The following KCNK9 variants were observed in gnomAD, a reference collection of about 807,000 sequenced individuals.
KCNK9 encodes potassium two pore domain channel subfamily K member 9, also known as potassium channel subfamily K member 9.
Under a neutral mutation model 10.8 loss-of-function variants are expected in KCNK9, and 1 was observed. The ratio of observed to expected loss-of-function variants is 0.09; its 90% CI spans 0.03 to 0.44. The LOEUF (loss-of-function observed/expected upper bound fraction) is 0.44. Among genes scored for constraint, KCNK9 ranks in the 20% least tolerant of loss-of-function variants. The probability of loss-of-function intolerance (pLI) is 0.97; values close to 1 mark genes in which losing one functional copy is unlikely to be tolerated. For missense variants in KCNK9, 303 were observed against 515.0 expected (o/e 0.59, Z 3.98); for synonymous variants, 231 against 222.7 (o/e 1.04, Z -0.33).
chr8:139,657,505 T>C (rs2129692796), intron 1 of KCNK9, among the ~76,000 whole-genome samples: 1 of 152,164 alleles, frequency 6.6e-6, no homozygotes, highest in Middle Eastern at 3.4e-3. Context: ...CTGTGGAGCT[T>C]CTCATCATCC....
intron 1 of KCNK9, among the ~76,000 whole-genome samples, chr8:139,640,934 A>G (rs552099034): frequency 1.3e-5 from 2 of 152,376 alleles, no homozygotes; most frequent in East Asian, 1.9e-4. Context: ...TATTGAATGC[A>G]TCAGTCAGGA....
intron 2 of KCNK9, chr8:139,601,742 C>G (rs964573512): frequency 6.6e-6 from 1 of 152,178 alleles, no homozygotes; most frequent in Admixed American, 6.5e-5. Flanking sequence ...ATAATTAAGA[C>G]CCCCTGCTCC....
At chr8:139,696,692 T>A (rs1817059714) in intron 1 of KCNK9, among the ~76,000 whole-genome samples, 1 of 143,950 alleles carries the variant, frequency 6.9e-6, no homozygotes, top group East Asian at 2.0e-4. Context: ...GATGGGTGGA[T>A]AAATGGATGG....
intron 1 of KCNK9, among the ~76,000 whole-genome samples, chr8:139,643,375 C>T (rs1176790945): frequency 6.6e-6 from 1 of 152,204 alleles, no homozygotes; most frequent in Non-Finnish European, 1.5e-5. Context: ...GGTGGCTCCC[C>T]GGAGGAAATG....
At chr8:139,690,979 T>C (rs536883231) in intron 1 of KCNK9, among the ~76,000 whole-genome samples, 9 of 152,364 alleles carry the variant, frequency 5.9e-5, no homozygotes, top group African/African-American at 2.2e-4. Context: ...TCTGAAATTC[T>C]GTCTTCCACC....
intron 1 of KCNK9, among the ~76,000 whole-genome samples, chr8:139,701,804 C>T (rs923594863): frequency 6.6e-6 from 1 of 152,210 alleles, no homozygotes; most frequent in African/African-American, 2.4e-5. Flanking sequence ...GGGAGTCCTC[C>T]CAGCCCCCAG....
In KCNK9 at chr8:139,619,068, C is replaced by T. The variant is rs760886822; in HGVS notation, c.315G>A (p.Ala105=). 34 of 1,614,116 alleles carry T rather than the reference C, an allele frequency of 2.1e-5. No individual in the cohort carries two copies. In the East Asian group the frequency reaches 3.6e-4, roughly 17 times the overall value. The change falls in exon 2 of 2, where the codon GCG becomes GCA. Residue 105 remains alanine, a synonymous_variant. Coordinates refer to ENST00000520439, the MANE Select transcript of KCNK9 (RefSeq NM_001282534.2). ...CGTAGAACATGCAGAAGGCCTTGCC[C>T]GCATCGGTGCCAGGTGCAGCGTGCC... The part of the protein sequence containing the change: ...GYGHAAPGTD[A]GKAFCMFYAV...
At chr8:139,646,440 A>G (rs1815685332) in intron 1 of KCNK9, among the ~76,000 whole-genome samples, 2 of 152,262 alleles carry the variant, frequency 1.3e-5, no homozygotes, top group Admixed American at 1.3e-4. Context: ...CAGAGATTCT[A>G]GCGGCCAGGT....
chr8:139,696,302 G>T (rs1817050605), intron 1 of KCNK9, among the ~76,000 whole-genome samples: 1 of 152,186 alleles, frequency 6.6e-6, no homozygotes, highest in African/African-American at 2.4e-5. Context: ...TGGTTACATG[G>T]ACATGATTTC....
intron 1 of KCNK9, among the ~76,000 whole-genome samples, chr8:139,629,378 T>G (rs973705493): frequency 6.6e-6 from 1 of 152,226 alleles, no homozygotes; most frequent in Middle Eastern, 3.2e-3. Context: ...TTTAGCAACT[T>G]CACATCTAGG....
rs1005018791 is a variant in KCNK9 at position 139,622,703 on chromosome 8, C to A, written c.284-3604G>T. ...TGAGAGTGCTATTTCCTGCAGAGACCCTGTTACACTATCTGTTTTCCCCTG... is the reference window on the plus strand; with the variant it reads ...TGAGAGTGCTATTTCCTGCAGAGACACTGTTACACTATCTGTTTTCCCCTG... On this transcript the variant is annotated intron_variant, in intron 1 of 1. Coordinates refer to ENST00000520439, the MANE Select transcript of KCNK9 (RefSeq NM_001282534.2). Among the ~76,000 whole-genome samples, 6 of 152,148 alleles carry A rather than the reference C, an allele frequency of 3.9e-5. No homozygotes were observed. In the South Asian group the frequency reaches 1.2e-3, roughly 32 times the overall value.
chr8:139,675,328 G>T (rs867695708), intron 1 of KCNK9, among the ~76,000 whole-genome samples: 1 of 152,190 alleles, frequency 6.6e-6, no homozygotes, highest in Admixed American at 6.5e-5. Context: ...CGTATTCCAC[G>T]CTCTGCAGTG....
chr8:139,612,110 G>A (rs1586625828), downstream of KCNK9: 1 of 152,254 alleles, frequency 6.6e-6, no homozygotes, highest in East Asian at 1.9e-4. Flanking sequence ...AAGGAAGTGT[G>A]AGATGCTCTG....
At chr8:139,663,670 T>C (rs573938178) in intron 1 of KCNK9, among the ~76,000 whole-genome samples, 4 of 150,926 alleles carry the variant, frequency 2.7e-5, no homozygotes, top group Non-Finnish European at 5.9e-5. Flanking sequence ...TGTGTGTGTG[T>C]GTGTGTGTGT....
chr8:139,662,555 T>C (rs1311533784), intron 1 of KCNK9, among the ~76,000 whole-genome samples: 1 of 152,006 alleles, frequency 6.6e-6, no homozygotes. Flanking sequence ...TCCTACCAGG[T>C]CCAGGCTTGG....
chr8:139,676,246 T>C (rs1816546763), intron 1 of KCNK9, among the ~76,000 whole-genome samples: 1 of 152,240 alleles, frequency 6.6e-6, no homozygotes, highest in Non-Finnish European at 1.5e-5. Flanking sequence ...TACATATCTA[T>C]ACATCCTTCC....
At chr8:139,664,876 A>T (rs1291123070) in intron 1 of KCNK9, among the ~76,000 whole-genome samples, 3 of 151,984 alleles carry the variant, frequency 2.0e-5, no homozygotes, top group Non-Finnish European at 4.4e-5. Context: ...GGGTGGGGCC[A>T]CCGTGTGGCT....
chr8:139,663,884 G>A (rs972054611), intron 1 of KCNK9, among the ~76,000 whole-genome samples: 3 of 152,146 alleles, frequency 2.0e-5, no homozygotes, highest in African/African-American at 7.2e-5. Context: ...TGTAGCCACG[G>A]ATAAGTGGAA....
At chr8:139,614,113 A>G (rs1391239423), downstream of KCNK9, among the ~76,000 whole-genome samples, 2 of 152,116 alleles carry the variant, frequency 1.3e-5, no homozygotes, top group East Asian at 3.9e-4. Flanking sequence ...CCTCTGAGAA[A>G]CCCTGTTCTT....
Sources: allele counts gnomAD v4.1 joint callset (sites outside exome capture counted in the v4.1 genomes callset), GRCh38; gene constraint gnomAD v4.1.1; transcripts MANE v1.5; gene names NCBI Gene and HGNC (gene_info 2026-07-23, HGNC 2026-07-21).